Variants in MICAL2 observed in about 807,000 individuals in gnomAD.
MICAL2 encodes microtubule associated monooxygenase, calponin and LIM domain containing 2.
In MICAL2, 77 loss-of-function variants were observed where a neutral mutation model predicts 127.3. That is an observed-to-expected ratio of 0.60 (90% CI 0.50 to 0.73). The LOEUF (loss-of-function observed/expected upper bound fraction) is 0.73, where lower values mean the gene tolerates loss of function less well. MICAL2 is among the 30% of genes least tolerant of loss of function. MICAL2 has a pLI of 0.00. For missense variants in MICAL2, 1,351 were observed against 1,434.4 expected (o/e 0.94, Z 0.94); for synonymous variants, 570 against 551.1 (o/e 1.03, Z -0.48).
Position 12,160,352 on chromosome 11 carries a change from TCCACTGCTGC to T in MICAL2, c.-77-1724_-77-1715del, listed in dbSNP as rs1329054347. On this transcript the variant is annotated intron_variant, in intron 2 of 27. Transcript: ENST00000683283. Reference sequence around the variant, plus strand: ...CCTTGCCTCCAGCCTCCTCCTCCAGTCCACTGCTGCCCTATCATCTTCCCAAAGACTTGTC... The same window carrying T: ...CCTTGCCTCCAGCCTCCTCCTCCAGTCCTATCATCTTCCCAAAGACTTGTC... 3.3e-5 allele frequency among the ~76,000 whole-genome samples: 5 copies of T among 152,114 alleles called. No individual in the cohort carries two copies. In the East Asian group the frequency reaches 9.7e-4, roughly 29 times the overall value.
intron 29 of MICAL2, chr11:12,319,546 A>T: frequency 1.7e-6 from 1 of 595,766 alleles, no homozygotes; most frequent in Non-Finnish European, 3.0e-6. Context: ...GCCCTTAGGT[A>T]CTGTTGCCTC....
In MICAL2 at chr11:12,281,167, T is replaced by C. The variant is rs77725863; in HGVS notation, c.254+68T>C. On this transcript the variant is annotated intron_variant, in intron 2 of 2. Coordinates refer to the MICAL2 transcript ENST00000529028. ...GGGAACAGAGACCCCCACAGCTGAA[T>C]TTCCCTCTTGGAGGACCAGGTGACA... 1.1e-3 allele frequency: 435 copies of C among 398,666 alleles called. 1 individual carries two copies. The highest frequency in any genetic ancestry group is 8.0e-3 in the African/African-American group (391 of 48,742). The allele number at this position is 398,666 out of a possible 1,614,324, so 24.7% of individuals were successfully genotyped here.
At chr11:12,319,890 C>A in intron 30 of MICAL2, 2 of 1,045,112 alleles carry the variant, frequency 1.9e-6, no homozygotes, top group South Asian at 1.3e-5. Flanking sequence ...CCAATGTGGG[C>A]TCCAGCTGCA....
chr11:12,153,586 T>C (rs530430059), intron 2 of MICAL2, among the ~76,000 whole-genome samples: 101 of 152,090 alleles, frequency 6.6e-4, no homozygotes, highest in African/African-American at 2.3e-3. Flanking sequence ...TACAGGCACG[T>C]GCCACCACAC....
rs576320337 is a variant in MICAL2, at chr11:12,204,647, G to C, written c.472+190G>C. On this transcript the variant is annotated intron_variant, in intron 4 of 27. Transcript: ENST00000683283. The stretch of plus-strand genomic sequence containing the variant: ...CTGGGCCCTGGGTTATCCCCCAGTG[G>C]ACTGTAAGCACCATGAGGTCAGGGA... Among the ~76,000 whole-genome samples, 162 of 152,318 alleles carry C rather than the reference G, an allele frequency of 1.1e-3. No individual in the cohort carries two copies. In the Middle Eastern group the frequency reaches 0.027, roughly 26 times the overall value.
intron 2 of MICAL2, among the ~76,000 whole-genome samples, chr11:12,160,728 C>T (rs1217119027): frequency 6.6e-6 from 1 of 152,180 alleles, no homozygotes; most frequent in Non-Finnish European, 1.5e-5. Context: ...GCTTCCATGC[C>T]CTTGGTTCAT....
chr11:12,330,127 C>T (rs1864399408), intron 32 of MICAL2, among the ~76,000 whole-genome samples: 3 of 152,036 alleles, frequency 2.0e-5, no homozygotes, highest in Non-Finnish European at 4.4e-5. Context: ...TCAAAAGCAA[C>T]CAAATGGAAG....
At chr11:12,262,864 G>C in intron 27 of MICAL2, 1 of 262,832 alleles carries the variant, frequency 3.8e-6, no homozygotes, top group East Asian at 7.6e-5. Flanking sequence ...GGTCGACCTT[G>C]ATCATGAAAC....
intron 32 of MICAL2, among the ~76,000 whole-genome samples, chr11:12,331,344 C>A (rs1422255467): frequency 1.3e-5 from 2 of 152,182 alleles, no homozygotes; most frequent in African/African-American, 4.8e-5. Flanking sequence ...TATAGCTTTA[C>A]CAGCTTTGGG....
At chr11:12,202,556 A>G (rs1224724477) in intron 3 of MICAL2, among the ~76,000 whole-genome samples, 1 of 152,254 alleles carries the variant, frequency 6.6e-6, no homozygotes. Context: ...TAATAATTTT[A>G]AAGACTCTCC....
chr11:12,132,576 CAA>C (rs1410795631), intron 1 of MICAL2, among the ~76,000 whole-genome samples: 1 of 152,256 alleles, frequency 6.6e-6, no homozygotes, highest in Non-Finnish European at 1.5e-5. Context: ...AGCTGGAAAA[CAA>C]AGAGAATAGC....
intron 2 of MICAL2, among the ~76,000 whole-genome samples, chr11:12,150,549 G>C (rs1853461620): frequency 6.6e-6 from 1 of 152,178 alleles, no homozygotes; most frequent in African/African-American, 2.4e-5. Context: ...CAGTCGTCCT[G>C]GGCTCCAGGT....
chr11:12,218,908 C>T (rs186461074), intron 8 of MICAL2, among the ~76,000 whole-genome samples: 53 of 152,328 alleles, frequency 3.5e-4, no homozygotes, highest in Admixed American at 7.8e-4. Context: ...TAAGCCATAT[C>T]TGGAGCCAGC....
At chr11:12,167,380 C>T (rs751054064) in intron 3 of MICAL2, among the ~76,000 whole-genome samples, 5 of 152,156 alleles carry the variant, frequency 3.3e-5, no homozygotes, top group Non-Finnish European at 5.9e-5. Flanking sequence ...GCCCAGGCCC[C>T]GGTTTGTGCT....
chr11:12,147,852 T>A (rs1370310706), intron 2 of MICAL2, among the ~76,000 whole-genome samples: 1 of 152,232 alleles, frequency 6.6e-6, no homozygotes, highest in Non-Finnish European at 1.5e-5. Flanking sequence ...CATCTTTTCC[T>A]CTTGAACCTC....
At chr11:12,333,141 A>C (rs943075346) in intron 32 of MICAL2, among the ~76,000 whole-genome samples, 32 of 152,212 alleles carry the variant, frequency 2.1e-4, no homozygotes, top group Non-Finnish European at 7.3e-5. Context: ...ATAAAGAAGA[A>C]ATGGAAAGGG....
chr11:12,334,432 ATTTTC>A (rs1001333397), intron 32 of MICAL2, among the ~76,000 whole-genome samples: 9 of 151,644 alleles, frequency 5.9e-5, no homozygotes, highest in African/African-American at 1.5e-4. Context: ...TATCCAGAAT[ATTTTC>A]TTTTCTTTTT....
intron 5 of MICAL2, among the ~76,000 whole-genome samples, chr11:12,208,759 C>A (rs1855053130): frequency 6.6e-6 from 1 of 152,228 alleles, no homozygotes; most frequent in African/African-American, 2.4e-5. Context: ...CTGCATCTTA[C>A]TTATTATTAA....
At chr11:12,241,577 G>A (rs1190970815) in intron 18 of MICAL2, among the ~76,000 whole-genome samples, 3 of 152,250 alleles carry the variant, frequency 2.0e-5, no homozygotes, top group Non-Finnish European at 2.9e-5. Context: ...AGGCTGGGAT[G>A]TGGCGAAGGC....
Sources: allele counts gnomAD v4.1 joint callset (sites outside exome capture counted in the v4.1 genomes callset), GRCh38; gene constraint gnomAD v4.1.1; transcripts MANE v1.5; gene names NCBI Gene and HGNC (gene_info 2026-07-23, HGNC 2026-07-21).